Variants in HMBOX1 observed in about 807,000 individuals in gnomAD.
HMBOX1 encodes homeobox-containing protein 1.
A neutral mutation model predicts 54.5 loss-of-function variants in HMBOX1; 14 were observed. The ratio of observed to expected loss-of-function variants is 0.26; its 90% CI spans 0.17 to 0.40. The LOEUF is 0.40. Among genes scored for constraint, HMBOX1 ranks in the 10% least tolerant of loss-of-function variants. HMBOX1 has a pLI of 1.00. For synonymous variants in HMBOX1, 160 were observed against 181.0 expected (o/e 0.88, Z 0.93); for missense variants, 332 against 514.4 (o/e 0.65, Z 3.43).
At chr8:28,961,877 C>T (rs1391110705) in intron 1 of HMBOX1, among the ~76,000 whole-genome samples, 4 of 147,148 alleles carry the variant, frequency 2.7e-5, no homozygotes, top group South Asian at 2.2e-4. Context: ...AATAGGCATT[C>T]GAATGGGTGT....
intron 1 of HMBOX1, among the ~76,000 whole-genome samples, chr8:28,948,303 T>C (rs1279459896): frequency 6.6e-6 from 1 of 152,208 alleles, no homozygotes; most frequent in Non-Finnish European, 1.5e-5. Context: ...TGTTCATTGC[T>C]GTATTTCCCA....
At chr8:28,930,466 C>G (rs1031676329) in intron 1 of HMBOX1, among the ~76,000 whole-genome samples, 1 of 151,938 alleles carries the variant, frequency 6.6e-6, no homozygotes, top group Admixed American at 6.5e-5. Flanking sequence ...TATTTATAAC[C>G]TGGTATTCAA....
intron 5 of HMBOX1, among the ~76,000 whole-genome samples, chr8:29,012,392 T>A (rs1366504266): frequency 4.6e-5 from 7 of 152,190 alleles, no homozygotes; most frequent in Non-Finnish European, 1.0e-4. Context: ...AATAAATTAA[T>A]GGCACATCTG....
intron 6 of HMBOX1, among the ~76,000 whole-genome samples, chr8:29,022,478 G>A (rs1801340534): frequency 6.6e-6 from 1 of 152,054 alleles, no homozygotes; most frequent in Non-Finnish European, 1.5e-5. Flanking sequence ...TAACAGCACT[G>A]TTTTTACTAA....
intron 6 of HMBOX1, among the ~76,000 whole-genome samples, chr8:29,025,793 C>A (rs537106383): frequency 6.6e-6 from 1 of 152,276 alleles, no homozygotes; most frequent in East Asian, 1.9e-4. Context: ...TAAAACCCTG[C>A]TGACTGATCT....
chr8:29,048,873 T>G (rs1218898513), intron 8 of HMBOX1, 81 bp from the exon 9 acceptor site: 1 of 902,286 alleles, frequency 1.1e-6, no homozygotes, highest in Non-Finnish European at 1.7e-6. Context: ...ATTAATTTCC[T>G]TAGCACAAAA....
chr8:28,991,056 C>G (rs1337290472), intron 4 of HMBOX1, among the ~76,000 whole-genome samples: 3 of 152,142 alleles, frequency 2.0e-5, no homozygotes, highest in East Asian at 1.9e-4. Flanking sequence ...TTTCTGGAAG[C>G]ATTTGTGTAG....
chr8:28,945,739 CA>C (rs1298075401), intron 1 of HMBOX1, among the ~76,000 whole-genome samples: 1 of 151,680 alleles, frequency 6.6e-6, no homozygotes, highest in Admixed American at 6.6e-5. Context: ...GGATATGACA[CA>C]ACATAAAGTA....
intron 4 of HMBOX1, among the ~76,000 whole-genome samples, chr8:28,994,718 T>G (rs1831529488): frequency 3.3e-5 from 5 of 152,190 alleles, no homozygotes; most frequent in Admixed American, 3.3e-4. Flanking sequence ...AAAAGATTGG[T>G]ATCTATGATG....
rs556314933 is a variant in HMBOX1, at chr8:28,979,955, T to G, written c.501-116T>G. On this transcript the variant is annotated intron_variant, in intron 3 of 9. Transcript: ENST00000287701. ...CACACAAGTTTGGTCTGTTTACCCTTTATTTTTGTGTCCTTTCTGTGTTCT... is the reference window on the plus strand; with the variant it reads ...CACACAAGTTTGGTCTGTTTACCCTGTATTTTTGTGTCCTTTCTGTGTTCT... 1.6e-3 allele frequency: 1,189 copies of G among 765,772 alleles called. 14 individuals carry two copies. The South Asian group carries it at 0.017, about 11-fold the overall frequency. 47.4% of individuals were successfully genotyped at this position (765,772 alleles called of 1,614,324 possible).
Position 28,996,926 on chromosome 8 carries a change from G to T in HMBOX1, c.587-12146G>T, listed in dbSNP as rs1831949041. 2.6e-5 allele frequency among the ~76,000 whole-genome samples: 4 copies of T among 152,160 alleles called. No individual in the cohort carries two copies. The South Asian group carries it at 8.3e-4, about 32-fold the overall frequency. ...TTTATAGTTAATGGATAGAAATAAG[G>T]TTTATTTCGTATATTGATCTTATAT... On this transcript the variant is annotated intron_variant, in intron 4 of 9. Transcript: ENST00000287701.
chr8:28,935,296 T>C (rs1820199774), intron 1 of HMBOX1, among the ~76,000 whole-genome samples: 1 of 152,192 alleles, frequency 6.6e-6, no homozygotes, highest in South Asian at 2.1e-4. Flanking sequence ...AAATTCAGAA[T>C]ACCTATAATA....
rs180799055 is a variant in HMBOX1 at position 29,000,065 on chromosome 8, A to G, written c.587-9007A>G. Reference sequence around the variant, plus strand: ...TGCTGTTGTTGGTGATGTTTGTTTAATGAATTTCCTGATTTAACATTATAA... The same window carrying G: ...TGCTGTTGTTGGTGATGTTTGTTTAGTGAATTTCCTGATTTAACATTATAA... On this transcript the variant is annotated intron_variant, in intron 4 of 9. Coordinates refer to ENST00000287701, the MANE Select transcript of HMBOX1 (RefSeq NM_001135726.3). Among the ~76,000 whole-genome samples, 6 of 152,238 alleles carry G rather than the reference A, an allele frequency of 3.9e-5. No homozygotes were observed. The East Asian group carries it at 1.2e-3, about 29-fold the overall frequency.
intron 4 of HMBOX1, among the ~76,000 whole-genome samples, chr8:29,000,425 A>G (rs1380997568): frequency 6.6e-6 from 1 of 152,190 alleles, no homozygotes; most frequent in Non-Finnish European, 1.5e-5. Context: ...TCCTAGGAAT[A>G]TGTCATAGCT....
chr8:29,048,950 G>A lies in HMBOX1; in HGVS notation c.1031-4G>A, dbSNP rs370390415. On this transcript the variant is annotated splice_polypyrimidine_tract_variant and splice_region_variant and intron_variant, in intron 8 of 9. Transcript: ENST00000287701. Reference sequence around the variant, plus strand: ...ATTTAGGGATCTATTTGCTTTTTTCGAAGAAGCAGCAATCCTGGAGAGTCA... The same window carrying A: ...ATTTAGGGATCTATTTGCTTTTTTCAAAGAAGCAGCAATCCTGGAGAGTCA... 16 of 1,585,044 alleles carry A rather than the reference G, an allele frequency of 1.0e-5. No homozygotes were observed. Among genetic ancestry groups the A allele is most frequent in the Non-Finnish European group, 1.3e-5 (15 of 1,162,526 alleles).
intron 3 of HMBOX1, among the ~76,000 whole-genome samples, chr8:28,978,499 T>C (rs1463677686): frequency 6.6e-6 from 1 of 152,072 alleles, no homozygotes; most frequent in Non-Finnish European, 1.5e-5. Flanking sequence ...TGAAGAGACG[T>C]AGGCTGGGCG....
intron 4 of HMBOX1, among the ~76,000 whole-genome samples, chr8:28,989,245 C>G (rs1830599677): frequency 6.6e-6 from 1 of 151,528 alleles, no homozygotes; most frequent in Non-Finnish European, 1.5e-5. Context: ...GCACTCCAGC[C>G]TGGGCAACAA....
At chr8:28,976,191 G>A (rs1399924338) in intron 3 of HMBOX1, among the ~76,000 whole-genome samples, 2 of 152,070 alleles carry the variant, frequency 1.3e-5, no homozygotes, top group African/African-American at 4.8e-5. Flanking sequence ...TATGATTACA[G>A]CAGATCGTTT....
At chr8:29,014,541 A>G (rs889237428) in intron 5 of HMBOX1, among the ~76,000 whole-genome samples, 3 of 152,222 alleles carry the variant, frequency 2.0e-5, no homozygotes, top group African/African-American at 7.2e-5. Flanking sequence ...TGCTGTTTTT[A>G]ACTACTGCTA....
Sources: gnomAD v4.1 joint callset for allele counts (sites outside exome capture counted in the v4.1 genomes callset) on GRCh38, gnomAD v4.1.1 for gene constraint, MANE v1.5 for transcripts, NCBI Gene and HGNC (gene_info 2026-07-23, HGNC 2026-07-21) for gene names.